PGM5: variants seen among roughly 807,000 people sequenced by gnomAD.
PGM5 encodes phosphoglucomutase-like protein 5.
A neutral mutation model predicts 59.2 loss-of-function variants in PGM5; 23 were observed. That is an observed-to-expected ratio of 0.39 (90% CI 0.28 to 0.55). The LOEUF is 0.55. Among genes scored for constraint, PGM5 ranks in the 20% least tolerant of loss-of-function variants. The pLI is 0.66. For synonymous variants in PGM5, 214 were observed against 286.0 expected (o/e 0.75, Z 2.54); for missense variants, 574 against 748.3 (o/e 0.77, Z 2.72).
intron 10 of PGM5, among the ~76,000 whole-genome samples, chr9:68,515,995 T>G (rs1824818474): frequency 6.6e-6 from 1 of 152,252 alleles, no homozygotes; most frequent in Non-Finnish European, 1.5e-5. Context: ...CTATGTGTTT[T>G]GTGTGTGTTA....
intron 10 of PGM5, among the ~76,000 whole-genome samples, chr9:68,518,416 G>A (rs1824853420): frequency 6.6e-6 from 1 of 152,100 alleles, no homozygotes; most frequent in South Asian, 2.1e-4. Context: ...ACACATACCA[G>A]AATCAACAGA....
At chr9:68,431,559 C>T (rs545759834) in intron 6 of PGM5, among the ~76,000 whole-genome samples, 1 of 152,056 alleles carries the variant, frequency 6.6e-6, no homozygotes, top group South Asian at 2.1e-4. Flanking sequence ...TTGAACTTTC[C>T]AAAAGAGGCA....
intron 1 of PGM5, among the ~76,000 whole-genome samples, chr9:68,359,839 T>C (rs1356292398): frequency 6.6e-6 from 1 of 152,258 alleles, no homozygotes; most frequent in Non-Finnish European, 1.5e-5. Flanking sequence ...TTTTCTTTTT[T>C]TAAATTAAAT....
At chr9:68,416,181 A>T (rs1823028415) in intron 6 of PGM5, among the ~76,000 whole-genome samples, 1 of 152,224 alleles carries the variant, frequency 6.6e-6, no homozygotes, top group South Asian at 2.1e-4. Context: ...TGTCATCCAC[A>T]AAAAAAGATG....
At position 68,437,716 on chromosome 9, in the gene PGM5, T is replaced by C. The variant is rs566417753; in HGVS notation, c.1044-27377T>C. Among the ~76,000 whole-genome samples, 8 of 152,330 alleles carry C rather than the reference T, an allele frequency of 5.3e-5. No individual in the cohort carries two copies. Among genetic ancestry groups the C allele is most frequent in the African/African-American group, 1.9e-4 (8 of 41,574 alleles). On this transcript the variant is annotated intron_variant, in intron 6 of 10. Transcript: ENST00000396396. The surrounding 1 kb of genome is among the most constrained non-coding windows in gnomAD (Gnocchi z 4.1). ...GTAGTAAACATTCTCTGCAGTTTTA[T>C]TTTTGAATTATGTTGCTAACCTTTA...
chr9:68,447,083 G>A (rs1554684050), intron 6 of PGM5, among the ~76,000 whole-genome samples: 1 of 152,136 alleles, frequency 6.6e-6, no homozygotes. Context: ...CATTTTCTTT[G>A]CTACTGCAGA....
rs781977433 is a variant in PGM5, at chr9:68,376,869, T to TTTCC, written c.262-1327_262-1326insCTTC. Among the ~76,000 whole-genome samples the TTTCC allele has an allele frequency of 9.4e-3, 1,341 of 142,008 alleles. 56 individuals are homozygous for TTTCC. Among genetic ancestry groups the TTTCC allele is most frequent in the Admixed American group, 0.017 (227 of 13,578 alleles). The allele number at this position is 142,008 out of a possible 152,430, so 93.2% of individuals were successfully genotyped here. A position where few individuals can be genotyped will look rare whatever the true frequency, so the allele number is the denominator to read the frequency against. On this transcript the variant is annotated intron_variant, in intron 1 of 10. Transcript: ENST00000396396. ...TTTCTTTCTCTTTCTTTCTTTTTTC[T>TTTCC]TTCTCTTTCTTTCTTTTTTTCTTTC... is the stretch of plus-strand genomic sequence containing the variant.
At chr9:68,461,590 AT>A (rs1823859865) in intron 6 of PGM5, among the ~76,000 whole-genome samples, 1 of 152,132 alleles carries the variant, frequency 6.6e-6, no homozygotes, top group Admixed American at 6.6e-5. Flanking sequence ...TTCCTCATTA[AT>A]GGCATTAAGA....
chr9:68,452,893 G>T (rs1366299426), intron 6 of PGM5, among the ~76,000 whole-genome samples: 2 of 152,168 alleles, frequency 1.3e-5, no homozygotes, highest in African/African-American at 4.8e-5. Flanking sequence ...AAGACATCTT[G>T]CTGGGAATCC....
chr9:68,492,626 G>C (rs1471508095), intron 9 of PGM5, among the ~76,000 whole-genome samples: 1 of 152,196 alleles, frequency 6.6e-6, no homozygotes, highest in Non-Finnish European at 1.5e-5. Flanking sequence ...GCCGAAGGAA[G>C]GATGGTTTTC....
At chr9:68,397,724 G>T (rs1358666087) in intron 6 of PGM5, 1 of 152,152 alleles carries the variant, frequency 6.6e-6, no homozygotes, top group Non-Finnish European at 1.5e-5. Flanking sequence ...AATGAACTTG[G>T]TGCAGTACTC....
At chr9:68,413,527 C>G (rs372597682) in intron 6 of PGM5, among the ~76,000 whole-genome samples, 3 of 152,204 alleles carry the variant, frequency 2.0e-5, no homozygotes, top group African/African-American at 7.2e-5. Flanking sequence ...ATTAAAGATG[C>G]TCTTACCTTC....
chr9:68,501,651 C>T (rs1824576755), intron 10 of PGM5, among the ~76,000 whole-genome samples: 1 of 152,240 alleles, frequency 6.6e-6, no homozygotes, highest in South Asian at 2.1e-4. Flanking sequence ...AGAACCCCTT[C>T]CACCTTCTCT....
At chr9:68,376,777 CTTTCTT>C (rs1563984609) in intron 1 of PGM5, among the ~76,000 whole-genome samples, 3 of 74,930 alleles carry the variant, frequency 4.0e-5, no homozygotes, top group African/African-American at 1.6e-4. Context: ...TTCTTTCTTT[CTTTCTT>C]TCTTTCTTTC....
chr9:68,365,238 G>A (rs1834657619), intron 1 of PGM5, among the ~76,000 whole-genome samples: 1 of 145,562 alleles, frequency 6.9e-6, no homozygotes, highest in Non-Finnish European at 1.5e-5. Flanking sequence ...TGGAAATAAT[G>A]GACAAGAAAA....
At chr9:68,483,052 CT>C (rs1824224274) in intron 8 of PGM5, among the ~76,000 whole-genome samples, 1 of 152,170 alleles carries the variant, frequency 6.6e-6, no homozygotes, top group Non-Finnish European at 1.5e-5. Flanking sequence ...TTCTCCCTTT[CT>C]TTTTACCTTC....
intron 6 of PGM5, among the ~76,000 whole-genome samples, chr9:68,398,885 C>A (rs1439597671): frequency 6.6e-6 from 1 of 152,118 alleles, no homozygotes; most frequent in Non-Finnish European, 1.5e-5. Context: ...GTTGAACAAT[C>A]CTTTAATAAT....
chr9:68,481,272 C>G (rs1824192616), intron 8 of PGM5, among the ~76,000 whole-genome samples: 1 of 152,160 alleles, frequency 6.6e-6, no homozygotes, highest in Non-Finnish European at 1.5e-5. Context: ...TAAACAACAA[C>G]AACATCATAT....
chr9:68,376,836 T>TTTCTC lies in PGM5; in HGVS notation c.262-1359_262-1358insCTTCT, dbSNP rs1554677786. 7.3e-5 allele frequency among the ~76,000 whole-genome samples: 4 copies of TTTCTC among 55,120 alleles called. No homozygotes were observed. In the Admixed American group the frequency reaches 8.0e-4, roughly 11 times the overall value. The allele number at this position is 55,120 out of a possible 152,430, so 36.2% of individuals were successfully genotyped here. A position where few individuals can be genotyped will look rare whatever the true frequency, so the allele number is the denominator to read the frequency against. ...TTCTTTCTTTCTTTCTTTCTTTCTCTTTCTTTCTTTCTTTCTCTTTCTTTC... is the reference window on the plus strand; with the variant it reads ...TTCTTTCTTTCTTTCTTTCTTTCTCTTTCTCTTCTTTCTTTCTTTCTCTTTCTTTC... On this transcript the variant is annotated intron_variant, in intron 1 of 10. Coordinates refer to ENST00000396396, the MANE Select transcript of PGM5 (RefSeq NM_021965.4).
Sources: allele counts gnomAD v4.1 joint callset (sites outside exome capture counted in the v4.1 genomes callset), GRCh38; gene constraint gnomAD v4.1.1; non-coding constraint Gnocchi (gnomAD v3.1); transcripts MANE v1.5; gene names NCBI Gene and HGNC (gene_info 2026-07-23, HGNC 2026-07-21).